The following HHAT variants were observed in gnomAD, a reference collection of about 807,000 sequenced individuals.
The protein encoded by HHAT is protein-cysteine N-palmitoyltransferase HHAT.
A neutral mutation model predicts 70.8 loss-of-function variants in HHAT; 47 were observed. The observed-to-expected ratio is 0.66, with a 90% CI of 0.53 to 0.85. The LOEUF (loss-of-function observed/expected upper bound fraction) is 0.85. HHAT is among the 40% of genes least tolerant of loss of function. The pLI is 0.00. For missense variants in HHAT, 609 were observed against 604.8 expected (o/e 1.01, Z -0.07); for synonymous variants, 228 against 247.6 (o/e 0.92, Z 0.74).
chr1:210,578,771 G>A (rs1658497377), intron 9 of HHAT, among the ~76,000 whole-genome samples: 1 of 152,098 alleles, frequency 6.6e-6, no homozygotes, highest in African/African-American at 2.4e-5. Flanking sequence ...GGCTATGAAG[G>A]CGAAATAAGC....
At chr1:210,399,263 T>C (rs1366477790) in intron 4 of HHAT, among the ~76,000 whole-genome samples, 4 of 152,174 alleles carry the variant, frequency 2.6e-5, no homozygotes, top group African/African-American at 9.7e-5. Flanking sequence ...ATTCCAGTTT[T>C]GTTTTGTTTT....
chr1:210,475,025 G>GTT lies in HHAT; in HGVS notation c.1007+10378_1007+10379dup, dbSNP rs112995699. Among the ~76,000 whole-genome samples, 3,097 of 149,862 alleles carry GTT rather than the reference G, an allele frequency of 0.021. 306 individuals carry two copies. The East Asian group carries it at 0.32, about 16-fold the overall frequency. On this transcript the variant is annotated intron_variant, in intron 8 of 11. Transcript: ENST00000261458. ...GCCACCACAACTAGCTATTTTTTTT[G>GTT]TTTTTTTTTAATTTTAGTAGAGATG...
intron 10 of HHAT, chr1:210,589,603 C>G (rs1661218875): frequency 6.6e-6 from 1 of 152,246 alleles, no homozygotes; most frequent in Non-Finnish European, 1.5e-5. Flanking sequence ...TTTCATGAAG[C>G]AAGTAACATT....
chr1:210,438,646 G>A (rs2093434934), intron 7 of HHAT, among the ~76,000 whole-genome samples: 2 of 151,656 alleles, frequency 1.3e-5, no homozygotes, highest in Admixed American at 6.6e-5. Context: ...GGGTCTTTAG[G>A]TCTGTGAACT....
rs558332874 is a variant in HHAT, at chr1:210,534,234, C to G, written c.1043+21046C>G. Among the ~76,000 whole-genome samples, 130 of 152,226 alleles carry G rather than the reference C, an allele frequency of 8.5e-4. 1 individual carries two copies. The Middle Eastern group carries it at 0.01, about 12-fold the overall frequency. ...CCTGGCTCTGATGGCTCACGTGGAG[C>G]CTGTCGAGTTTTCTTTTCAAACTTG... is the stretch of plus-strand genomic sequence containing the variant. On this transcript the variant is annotated intron_variant, in intron 9 of 11. Coordinates refer to ENST00000261458, the MANE Select transcript of HHAT (RefSeq NM_018194.6).
intron 6 of HHAT, among the ~76,000 whole-genome samples, chr1:210,410,593 C>T (rs1463693801): frequency 7.2e-6 from 1 of 139,702 alleles, no homozygotes. Flanking sequence ...GTGGCACGAT[C>T]TTGGCTCACT....
chr1:210,649,128 A>G (rs919332519), intron 11 of HHAT, among the ~76,000 whole-genome samples: 1 of 152,176 alleles, frequency 6.6e-6, no homozygotes, highest in Non-Finnish European at 1.5e-5. Context: ...GATGTTTAGC[A>G]TACATTTGGC....
At chr1:210,525,435 A>G (rs1329984096) in intron 9 of HHAT, among the ~76,000 whole-genome samples, 1 of 152,102 alleles carries the variant, frequency 6.6e-6, no homozygotes, top group East Asian at 1.9e-4. Flanking sequence ...TCCTTTGCTT[A>G]TGTTCACAGA....
intron 8 of HHAT, among the ~76,000 whole-genome samples, chr1:210,492,243 G>A (rs921368302): frequency 1.3e-5 from 2 of 152,106 alleles, no homozygotes; most frequent in African/African-American, 2.4e-5. Flanking sequence ...CTCTATTTTA[G>A]AGGCTCCTGT....
At chr1:210,551,996 A>G (rs1410988642) in intron 9 of HHAT, among the ~76,000 whole-genome samples, 1 of 152,216 alleles carries the variant, frequency 6.6e-6, no homozygotes, top group Non-Finnish European at 1.5e-5. Flanking sequence ...ATACAATGCT[A>G]GGAGTTGAGT....
intron 9 of HHAT, among the ~76,000 whole-genome samples, chr1:210,522,768 C>G (rs980371433): frequency 6.6e-6 from 1 of 152,016 alleles, no homozygotes; most frequent in African/African-American, 2.4e-5. Flanking sequence ...CCTTGCCCCC[C>G]ACCCCCCAAT....
chr1:210,374,763 CT>C (rs34145775), intron 3 of HHAT, among the ~76,000 whole-genome samples: 37,751 of 140,144 alleles, frequency 0.27, 6,565 homozygotes, highest in African/African-American at 0.52. Flanking sequence ...AGTGGGGAAT[CT>C]TTTTTTTTTT....
At chr1:210,475,981 A>G (rs2094300450) in intron 8 of HHAT, among the ~76,000 whole-genome samples, 1 of 152,260 alleles carries the variant, frequency 6.6e-6, no homozygotes, top group South Asian at 2.1e-4. Context: ...CCCAGATCAC[A>G]GAGCTGGTAT....
At chr1:210,641,179 C>T (rs1277269286) in intron 11 of HHAT, among the ~76,000 whole-genome samples, 1 of 152,112 alleles carries the variant, frequency 6.6e-6, no homozygotes, top group Non-Finnish European at 1.5e-5. Flanking sequence ...ATTGAATGTC[C>T]ATATAGTGGG....
At chr1:210,493,927 T>C (rs1396451742) in intron 8 of HHAT, among the ~76,000 whole-genome samples, 1 of 152,250 alleles carries the variant, frequency 6.6e-6, no homozygotes, top group Admixed American at 6.5e-5. Flanking sequence ...TTTGTCAATC[T>C]GTCTTTAAAG....
At chr1:210,566,576 A>C (rs189647508) in intron 9 of HHAT, among the ~76,000 whole-genome samples, 69 of 152,250 alleles carry the variant, frequency 4.5e-4, no homozygotes, top group African/African-American at 1.7e-3. Flanking sequence ...TGAGCTGATG[A>C]GTGGCAGAAC....
At chr1:210,436,410 C>T (rs752901251) in intron 7 of HHAT, among the ~76,000 whole-genome samples, 8 of 151,654 alleles carry the variant, frequency 5.3e-5, no homozygotes, top group Non-Finnish European at 1.0e-4. Context: ...ATGCCTTCAA[C>T]TTCGTTCTTT....
At chr1:210,548,074 G>A (rs969330750) in intron 9 of HHAT, among the ~76,000 whole-genome samples, 1 of 152,176 alleles carries the variant, frequency 6.6e-6, no homozygotes, top group East Asian at 1.9e-4. Context: ...TTTCATACCC[G>A]ACTATAGTCA....
At chr1:210,463,865 T>C (rs754185253) in intron 7 of HHAT, among the ~76,000 whole-genome samples, 2 of 152,210 alleles carry the variant, frequency 1.3e-5, no homozygotes, top group Non-Finnish European at 2.9e-5. Flanking sequence ...CAGACTCATG[T>C]AGATTTTCTT....
Sources: allele counts gnomAD v4.1 joint callset (sites outside exome capture counted in the v4.1 genomes callset), GRCh38; gene constraint gnomAD v4.1.1; transcripts MANE v1.5; gene names NCBI Gene and HGNC (gene_info 2026-07-23, HGNC 2026-07-21).